The following MGAT4C variants were observed in gnomAD, a reference collection of about 807,000 sequenced individuals.
MGAT4C encodes MGAT4 family member C.
In MGAT4C, 19 loss-of-function variants were observed where a neutral mutation model predicts 40.1. That is an observed-to-expected ratio of 0.47 (90% confidence interval 0.33 to 0.70). The LOEUF is 0.70. Ranked by LOEUF, MGAT4C falls within the 30% of genes least tolerant of loss-of-function variation. The pLI is 0.02. For synonymous variants in MGAT4C, 181 were observed against 187.1 expected (o/e 0.97, Z 0.27); for missense variants, 491 against 563.2 (o/e 0.87, Z 1.30).
intron 3 of MGAT4C, among the ~76,000 whole-genome samples, chr12:86,358,812 C>T (rs1007689943): frequency 6.6e-6 from 1 of 152,136 alleles, no homozygotes; most frequent in Non-Finnish European, 1.5e-5. Context: ...TACAGGAGCA[C>T]CCAGATTCAT....
At chr12:86,220,159 TGG>T (rs1029841951) in intron 1 of MGAT4C, among the ~76,000 whole-genome samples, 6 of 152,056 alleles carry the variant, frequency 3.9e-5, no homozygotes, top group Admixed American at 3.3e-4. Flanking sequence ...GTACACTCAT[TGG>T]GGACCTCAAG....
At chr12:86,673,801 T>A (rs1964323248) in intron 2 of MGAT4C, among the ~76,000 whole-genome samples, 1 of 152,214 alleles carries the variant, frequency 6.6e-6, no homozygotes, top group Non-Finnish European at 1.5e-5. Flanking sequence ...CTTAAATGAC[T>A]GTTTGACGTA....
intron 2 of MGAT4C, among the ~76,000 whole-genome samples, chr12:86,714,948 A>G (rs1950621148): frequency 1.3e-5 from 2 of 152,164 alleles, no homozygotes; most frequent in African/African-American, 4.8e-5. Flanking sequence ...TTAACCATAA[A>G]TGAACAGAAA....
intron 2 of MGAT4C, among the ~76,000 whole-genome samples, chr12:86,000,601 A>T (rs1332458942): frequency 6.6e-6 from 1 of 152,090 alleles, no homozygotes; most frequent in Non-Finnish European, 1.5e-5. Flanking sequence ...AGGAAAAAGT[A>T]TACCTCCTCT....
upstream of MGAT4C, among the ~76,000 whole-genome samples, chr12:86,259,456 A>G (rs1367390787): frequency 2.0e-5 from 3 of 152,046 alleles, no homozygotes; most frequent in Non-Finnish European, 4.4e-5. Context: ...TCTAAATGTA[A>G]AAATGTTAAA....
chr12:86,009,762 C>T (rs1029027776), intron 2 of MGAT4C, among the ~76,000 whole-genome samples: 1 of 152,176 alleles, frequency 6.6e-6, no homozygotes, highest in Admixed American at 6.5e-5. Flanking sequence ...TTTTTGCCTA[C>T]ACATTCTTTC....
intron 4 of MGAT4C, among the ~76,000 whole-genome samples, chr12:86,274,188 G>T (rs1000298966): frequency 6.6e-6 from 1 of 152,126 alleles, no homozygotes; most frequent in Non-Finnish European, 1.5e-5. Flanking sequence ...ATTATCAGGA[G>T]AACAGCACCA....
chr12:86,199,351 G>C (rs1294236778), intron 1 of MGAT4C, among the ~76,000 whole-genome samples: 1 of 146,256 alleles, frequency 6.8e-6, no homozygotes, highest in Non-Finnish European at 1.5e-5. Context: ...ATTAGCAGGA[G>C]AGATGACAAT....
At chr12:86,572,854 C>T (rs754100279) in intron 2 of MGAT4C, among the ~76,000 whole-genome samples, 50 of 152,018 alleles carry the variant, frequency 3.3e-4, no homozygotes, top group Non-Finnish European at 5.9e-4. Flanking sequence ...TCTCACTCTG[C>T]CCTTCTCTCT....
chr12:86,688,287 G>A (rs1399440607), intron 2 of MGAT4C, among the ~76,000 whole-genome samples: 1 of 149,360 alleles, frequency 6.7e-6, no homozygotes, highest in Non-Finnish European at 1.5e-5. Context: ...GATGGGTCTT[G>A]TCTCTTTATC....
chr12:86,813,804 T>C (rs1952525843), intron 1 of MGAT4C, among the ~76,000 whole-genome samples: 1 of 152,166 alleles, frequency 6.6e-6, no homozygotes, highest in Non-Finnish European at 1.5e-5. Context: ...TTCTCTTCCA[T>C]AAAATGTATT....
At chr12:86,763,597 T>C (rs953837602) in intron 1 of MGAT4C, among the ~76,000 whole-genome samples, 2 of 152,242 alleles carry the variant, frequency 1.3e-5, no homozygotes, top group African/African-American at 4.8e-5. Flanking sequence ...ATAATGATTC[T>C]GTAGACAATT....
intron 1 of MGAT4C, among the ~76,000 whole-genome samples, chr12:86,793,285 G>A (rs1952058144): frequency 1.3e-5 from 2 of 152,098 alleles, no homozygotes; most frequent in Admixed American, 6.6e-5. Flanking sequence ...GAAAAGAAGT[G>A]ATTTATGGAG....
intron 2 of MGAT4C, among the ~76,000 whole-genome samples, chr12:86,024,730 T>G (rs1475082889): frequency 6.6e-6 from 1 of 151,732 alleles, no homozygotes; most frequent in Admixed American, 6.6e-5. Context: ...TACAGCCTAC[T>G]CCCAATGAGA....
At position 86,155,081 on chromosome 12, in the gene MGAT4C, A is replaced by G. The variant is rs73380860; in HGVS notation, c.-57+101158T>C. ...TTGATATTTAAACAAAGGTACAAATAGAAGATGATCCTGGATGTGAGAATT... is the reference window on the plus strand; with the variant it reads ...TTGATATTTAAACAAAGGTACAAATGGAAGATGATCCTGGATGTGAGAATT... On this transcript the variant is annotated intron_variant, in intron 1 of 4. Coordinates refer to ENST00000611864, the MANE Select transcript of MGAT4C (RefSeq NM_001351288.2). Among the ~76,000 whole-genome samples, 502 of 152,350 alleles carry G rather than the reference A, an allele frequency of 3.3e-3. 2 individuals carry two copies. The highest frequency in any genetic ancestry group is 0.012 in the African/African-American group (490 of 41,578).
intron 2 of MGAT4C, among the ~76,000 whole-genome samples, chr12:86,534,881 G>A (rs551334357): frequency 1.3e-5 from 2 of 152,058 alleles, no homozygotes; most frequent in African/African-American, 2.4e-5. Flanking sequence ...ATAAAGCAAG[G>A]CCTCCCTGAC....
intron 1 of MGAT4C, among the ~76,000 whole-genome samples, chr12:86,731,559 C>T (rs537155877): frequency 3.3e-5 from 5 of 151,738 alleles, no homozygotes; most frequent in Non-Finnish European, 5.9e-5. Flanking sequence ...ATTGTTGTAA[C>T]CTATGAAGTA....
intron 1 of MGAT4C, among the ~76,000 whole-genome samples, chr12:86,203,411 G>A (rs1410502682): frequency 6.6e-6 from 1 of 152,114 alleles, no homozygotes; most frequent in African/African-American, 2.4e-5. Context: ...AACAAGCAAA[G>A]TGCTCAGCAT....
At chr12:86,084,156 T>C (rs368931549) in intron 1 of MGAT4C, among the ~76,000 whole-genome samples, 11 of 152,092 alleles carry the variant, frequency 7.2e-5, no homozygotes, top group African/African-American at 2.7e-4. Flanking sequence ...ATTTCATTTT[T>C]GGAGACTAAT....
Sources: gnomAD v4.1 joint callset for allele counts (sites outside exome capture counted in the v4.1 genomes callset) on GRCh38, gnomAD v4.1.1 for gene constraint, MANE v1.5 for transcripts, NCBI Gene and HGNC (gene_info 2026-07-23, HGNC 2026-07-21) for gene names.